The following STK32A variants were observed in gnomAD, a reference collection of about 807,000 sequenced individuals.
STK32A encodes serine/threonine-protein kinase 32A.
In STK32A, 41 loss-of-function variants were observed where a neutral mutation model predicts 53.2. The ratio of observed to expected loss-of-function variants is 0.77; its 90% CI spans 0.60 to 1.00. The LOEUF is 1.00. Among genes scored for constraint, STK32A ranks in the 50% least tolerant of loss-of-function variants. The probability of loss-of-function intolerance (pLI) is 0.00; values close to 1 mark genes in which losing one functional copy is unlikely to be tolerated. For synonymous variants in STK32A, 166 were observed against 162.8 expected (o/e 1.02, Z -0.15); for missense variants, 458 against 485.8 (o/e 0.94, Z 0.54).
chr5:147,331,932 G>T (rs1434319668), intron 5 of STK32A, among the ~76,000 whole-genome samples: 1 of 152,212 alleles, frequency 6.6e-6, no homozygotes, highest in Non-Finnish European at 1.5e-5. Context: ...CATGGGCCCT[G>T]CTGGCATCTT....
chr5:147,244,383 T>A (rs1368282), intron 2 of STK32A, among the ~76,000 whole-genome samples: 62,359 of 151,920 alleles, frequency 0.41, 12,905 homozygotes, highest in Admixed American at 0.45. Flanking sequence ...TCAATTCTTT[T>A]GGGTATATAC....
intron 4 of STK32A, 99 bp from the exon 5 acceptor site, chr5:147,323,799 C>G: frequency 9.4e-7 from 1 of 1,068,748 alleles, no homozygotes; most frequent in Non-Finnish European, 1.3e-6. Context: ...GCTCTTAGCT[C>G]AAGAACACTC....
intron 11 of STK32A, among the ~76,000 whole-genome samples, chr5:147,379,543 G>C (rs1420690075): frequency 6.6e-6 from 1 of 151,996 alleles, no homozygotes; most frequent in Non-Finnish European, 1.5e-5. Flanking sequence ...TGCACTTCCT[G>C]ACTCCTAGCC....
chr5:147,370,852 T>C (rs1294140371), intron 9 of STK32A, 82 bp downstream of exon 9: 4 of 869,610 alleles, frequency 4.6e-6, no homozygotes, highest in East Asian at 2.5e-5. Context: ...TAGTATACAA[T>C]ATTGGGGACA....
intron 6 of STK32A, among the ~76,000 whole-genome samples, chr5:147,345,771 T>G (rs1755655399): frequency 6.6e-6 from 1 of 152,158 alleles, no homozygotes; most frequent in African/African-American, 2.4e-5. Context: ...AGAGAGAGTC[T>G]CAGTCTGCCC....
chr5:147,262,981 T>C lies in STK32A; in HGVS notation c.53-15143T>C, dbSNP rs541106813. 4.1e-5 allele frequency among the ~76,000 whole-genome samples: 6 copies of C among 146,266 alleles called. 1 individual carries two copies. The highest frequency in any genetic ancestry group is 1.5e-4 in the African/African-American group (6 of 39,014). ...ATTTAAAAACTAGTCATGTCCCTTC[T>C]ACCAACTTGGAAAAAGACAAAAAAA... On this transcript the variant is annotated intron_variant, in intron 2 of 12. Coordinates refer to ENST00000397936, the MANE Select transcript of STK32A (RefSeq NM_001112724.2).
intron 4 of STK32A, among the ~76,000 whole-genome samples, chr5:147,286,724 A>T (rs1051452028): frequency 2.6e-5 from 4 of 152,116 alleles, no homozygotes; most frequent in African/African-American, 7.2e-5. Context: ...CTTTGGCTTT[A>T]TAGTGAAAGA....
intron 2 of STK32A, among the ~76,000 whole-genome samples, chr5:147,269,316 C>T (rs7715405): frequency 5.9e-5 from 9 of 152,178 alleles, no homozygotes; most frequent in African/African-American, 2.2e-4. Flanking sequence ...GCACCTAGCA[C>T]AATGGCTGTT....
intron 8 of STK32A, among the ~76,000 whole-genome samples, chr5:147,364,569 G>A (rs1756661339): frequency 6.6e-6 from 1 of 152,132 alleles, no homozygotes; most frequent in Non-Finnish European, 1.5e-5. Context: ...CAGAATTGGT[G>A]GCTTAGGCAA....
chr5:147,340,427 T>C (rs1446440022), intron 5 of STK32A, among the ~76,000 whole-genome samples: 1 of 152,218 alleles, frequency 6.6e-6, no homozygotes, highest in East Asian at 1.9e-4. Flanking sequence ...ATTTTGTAAG[T>C]TATTTCATAT....
intron 7 of STK32A, among the ~76,000 whole-genome samples, chr5:147,360,702 A>C (rs1027861084): frequency 1.3e-5 from 2 of 152,184 alleles, no homozygotes; most frequent in African/African-American, 4.8e-5. Context: ...GTGATTCTGA[A>C]TGCCAGATTC....
chr5:147,309,661 G>C (rs1400052097), intron 4 of STK32A, among the ~76,000 whole-genome samples: 5 of 152,134 alleles, frequency 3.3e-5, no homozygotes, highest in African/African-American at 1.2e-4. Context: ...TTAAAGAATC[G>C]TATATATGCA....
intron 2 of STK32A, among the ~76,000 whole-genome samples, chr5:147,274,726 T>C (rs1009212210): frequency 6.6e-6 from 1 of 152,234 alleles, no homozygotes; most frequent in African/African-American, 2.4e-5. Flanking sequence ...ACCCATTTCA[T>C]CTTCTTATAA....
chr5:147,382,165 T>C (rs1289726711), intron 11 of STK32A, among the ~76,000 whole-genome samples: 1 of 152,218 alleles, frequency 6.6e-6, no homozygotes, highest in Non-Finnish European at 1.5e-5. Flanking sequence ...CACTGTCCTG[T>C]CATCAAGTTT....
At chr5:147,303,790 C>T (rs1215557381) in intron 4 of STK32A, among the ~76,000 whole-genome samples, 1 of 152,078 alleles carries the variant, frequency 6.6e-6, no homozygotes, top group South Asian at 2.1e-4. Flanking sequence ...TGGCATATGA[C>T]CCTGATGAAC....
intron 2 of STK32A, among the ~76,000 whole-genome samples, chr5:147,277,254 CAG>C (rs1175698275): frequency 6.6e-6 from 1 of 152,122 alleles, no homozygotes; most frequent in Non-Finnish European, 1.5e-5. Flanking sequence ...AACCAGGAAA[CAG>C]AGTCAAACAT....
chr5:147,374,604 A>G (rs1430190730), intron 10 of STK32A, among the ~76,000 whole-genome samples: 1 of 152,142 alleles, frequency 6.6e-6, no homozygotes, highest in Non-Finnish European at 1.5e-5. Flanking sequence ...CGTCCCTGCA[A>G]TTAGCCATCA....
chr5:147,317,734 GC>G (rs1754077559), intron 4 of STK32A, among the ~76,000 whole-genome samples: 2 of 152,054 alleles, frequency 1.3e-5, no homozygotes, highest in Admixed American at 1.3e-4. Flanking sequence ...CAGTGGGCGG[GC>G]TTTGTTTGAA....
At chr5:147,376,557 G>C (rs2152005999) in intron 11 of STK32A, among the ~76,000 whole-genome samples, 1 of 152,150 alleles carries the variant, frequency 6.6e-6, no homozygotes, top group African/African-American at 2.4e-5. Flanking sequence ...AATAACTTTT[G>C]ACCATACGTA....
Sources: gnomAD v4.1 joint callset for allele counts (sites outside exome capture counted in the v4.1 genomes callset) on GRCh38, gnomAD v4.1.1 for gene constraint, MANE v1.5 for transcripts, NCBI Gene and HGNC (gene_info 2026-07-23, HGNC 2026-07-21) for gene names.